The following RALYL variants were observed in gnomAD, a reference collection of about 807,000 sequenced individuals.
RALYL encodes the protein RNA-binding Raly-like protein.
A neutral mutation model predicts 35.1 loss-of-function variants in RALYL; 29 were observed. The observed-to-expected ratio is 0.83, with a 90% CI of 0.61 to 1.13. The LOEUF is 1.13. Ranked by LOEUF, RALYL falls within the 50% of genes most tolerant of loss-of-function variation. The pLI, the probability that RALYL is intolerant of heterozygous loss-of-function variation, is 0.00. For missense variants in RALYL, 359 were observed against 360.4 expected, an observed-to-expected ratio of 1.00 and a Z score of 0.03; for synonymous variants, 120 against 127.6, an observed-to-expected ratio of 0.94 and a Z score of 0.40.
chr8:84,182,971 T>A (rs1255777260), upstream of RALYL: 2 of 152,370 alleles, frequency 1.3e-5, no homozygotes, highest in East Asian at 3.9e-4. Flanking sequence ...GAAAAATAGA[T>A]GAAATACACA....
intron 2 of RALYL, among the ~76,000 whole-genome samples, chr8:84,689,315 A>G (rs1353229169): frequency 3.3e-5 from 5 of 152,090 alleles, no homozygotes; most frequent in South Asian, 4.1e-4. Context: ...ACCTATGAGT[A>G]AGAATATGCG....
intron 2 of RALYL, among the ~76,000 whole-genome samples, chr8:84,698,198 C>T (rs1839509948): frequency 6.6e-6 from 1 of 152,066 alleles, no homozygotes; most frequent in Non-Finnish European, 1.5e-5. Context: ...GATGAGGACT[C>T]CTACCTCGCA....
chr8:84,783,298 T>C (rs1818630141), intron 3 of RALYL, among the ~76,000 whole-genome samples: 1 of 152,132 alleles, frequency 6.6e-6, no homozygotes, highest in South Asian at 2.1e-4. Flanking sequence ...ACAAAGCTAA[T>C]AGAGAAAGAA....
chr8:84,785,250 C>T (rs1819134492), intron 3 of RALYL, among the ~76,000 whole-genome samples: 1 of 152,014 alleles, frequency 6.6e-6, no homozygotes, highest in African/African-American at 2.4e-5. Flanking sequence ...TCTCCTCTTC[C>T]CACTCAGTCC....
intron 1 of RALYL, among the ~76,000 whole-genome samples, chr8:84,423,484 G>C (rs1252205240): frequency 6.6e-6 from 1 of 151,976 alleles, no homozygotes; most frequent in Non-Finnish European, 1.5e-5. Context: ...GCACACTGAT[G>C]GATCTTGACT....
chr8:84,706,046 G>A (rs1378819383), intron 2 of RALYL: 13 of 1,534,838 alleles, frequency 8.5e-6, no homozygotes, highest in East Asian at 4.9e-5. Context: ...AAGAGCAAAC[G>A]CAGACATCAG....
In RALYL at chr8:84,673,865, C is replaced by T. The variant is rs113553753; in HGVS notation, c.257-100714C>T. ...AGGATTGACTTGACAATTTAGGTTC[C>T]CTTTTAGTTTCATATGGATTTTAAA... On this transcript the variant is annotated intron_variant, in intron 2 of 8. Transcript: ENST00000521268. 5.3e-3 allele frequency among the ~76,000 whole-genome samples: 799 copies of T among 152,056 alleles called. 7 individuals are homozygous for T. Among genetic ancestry groups the T allele is most frequent in the African/African-American group, 0.018 (761 of 41,488 alleles).
At chr8:84,372,123 G>A (rs1374842011) in intron 1 of RALYL, among the ~76,000 whole-genome samples, 1 of 152,100 alleles carries the variant, frequency 6.6e-6, no homozygotes, top group Non-Finnish European at 1.5e-5. Flanking sequence ...TGTAAAGAAA[G>A]AGGGATAAAT....
chr8:84,285,156 A>C (rs1339256407), intron 1 of RALYL, among the ~76,000 whole-genome samples: 1 of 152,180 alleles, frequency 6.6e-6, no homozygotes, highest in African/African-American at 2.4e-5. Flanking sequence ...TGCTGCGCTA[A>C]TGCCAAACAC....
chr8:84,383,838 A>C (rs1054981110), intron 1 of RALYL, among the ~76,000 whole-genome samples: 3 of 151,628 alleles, frequency 2.0e-5, no homozygotes, highest in Non-Finnish European at 4.4e-5. Context: ...TGGATAAATA[A>C]ATGAGCAAAG....
intron 3 of RALYL, among the ~76,000 whole-genome samples, chr8:84,790,580 G>T (rs1346505520): frequency 1.3e-5 from 2 of 152,102 alleles, no homozygotes; most frequent in Non-Finnish European, 2.9e-5. Context: ...GCACCCACTG[G>T]ACATTTTTCT....
intron 1 of RALYL, among the ~76,000 whole-genome samples, chr8:84,512,624 T>C (rs1233078537): frequency 3.3e-5 from 5 of 152,090 alleles, no homozygotes; most frequent in Non-Finnish European, 7.4e-5. Flanking sequence ...TGTCCAGGAG[T>C]GATTCCCTTA....
intron 4 of RALYL, among the ~76,000 whole-genome samples, chr8:84,824,839 T>G (rs1249334168): frequency 6.6e-6 from 1 of 152,132 alleles, no homozygotes; most frequent in Non-Finnish European, 1.5e-5. Context: ...GACCCCTACC[T>G]TTCACCAGAT....
At chr8:84,263,653 T>C (rs1017659603) in intron 1 of RALYL, among the ~76,000 whole-genome samples, 13 of 152,172 alleles carry the variant, frequency 8.5e-5, no homozygotes, top group Non-Finnish European at 1.9e-4. Flanking sequence ...TGCAGGTTTG[T>C]TACATAGGTT....
chr8:84,375,953 C>G (rs1856830322), intron 1 of RALYL, among the ~76,000 whole-genome samples: 1 of 151,774 alleles, frequency 6.6e-6, no homozygotes. Flanking sequence ...AACTGGTGGA[C>G]TCAAATAAGC....
chr8:84,893,802 G>A (rs1844282935), intron 8 of RALYL, among the ~76,000 whole-genome samples: 1 of 152,270 alleles, frequency 6.6e-6, no homozygotes, highest in South Asian at 2.1e-4. Context: ...GGATTAAGGA[G>A]AATTTGAGTT....
chr8:84,436,088 A>G (rs774838183), intron 1 of RALYL, among the ~76,000 whole-genome samples: 20 of 152,166 alleles, frequency 1.3e-4, no homozygotes, highest in Admixed American at 6.6e-4. Context: ...CCCAAAACCT[A>G]TTCACGTAAA....
intron 3 of RALYL, among the ~76,000 whole-genome samples, chr8:84,781,110 G>A (rs1818046370): frequency 1.3e-5 from 2 of 152,024 alleles, no homozygotes; most frequent in South Asian, 2.1e-4. Flanking sequence ...CAATCTGCCC[G>A]CCTCAGCCTC....
chr8:84,588,273 G>A (rs370617888), intron 2 of RALYL, among the ~76,000 whole-genome samples: 3 of 152,144 alleles, frequency 2.0e-5, no homozygotes, highest in African/African-American at 4.8e-5. Flanking sequence ...CAAGCTGTGA[G>A]CTGTTATGGT....
Sources: gnomAD v4.1 joint callset for allele counts (sites outside exome capture counted in the v4.1 genomes callset) on GRCh38, gnomAD v4.1.1 for gene constraint, MANE v1.5 for transcripts, NCBI Gene and HGNC (gene_info 2026-07-23, HGNC 2026-07-21) for gene names.